The following TAF1B variants were observed in gnomAD, a reference collection of about 807,000 sequenced individuals.
TAF1B encodes the protein TATA-box binding protein associated factor, RNA polymerase I subunit B, also known as TATA box-binding protein-associated factor RNA polymerase I subunit B.
Under a neutral mutation model 83.9 loss-of-function variants are expected in TAF1B, and 61 were observed. That is an observed-to-expected ratio of 0.73 (90% CI 0.59 to 0.90). The LOEUF is 0.90. Among genes scored for constraint, TAF1B ranks in the 40% least tolerant of loss-of-function variants. TAF1B has a pLI of 0.00. For synonymous variants in TAF1B, 221 were observed against 224.6 expected (o/e 0.98, Z 0.14); for missense variants, 625 against 677.0 (o/e 0.92, Z 0.85).
At chr2:9,898,938 C>T (rs1408019381) in intron 8 of TAF1B, among the ~76,000 whole-genome samples, 15 of 143,076 alleles carry the variant, frequency 1.0e-4, no homozygotes, top group Non-Finnish European at 9.2e-5. Flanking sequence ...TTCCTTTTTT[C>T]TTTTTTTTTT....
rs539307484 is a variant in TAF1B, at chr2:9,929,756, G to T, written c.1566-4027G>T. Among the ~76,000 whole-genome samples, 36 of 152,298 alleles carry T rather than the reference G, an allele frequency of 2.4e-4. 1 individual carries two copies. The highest frequency in any genetic ancestry group is 3.4e-3 in the Middle Eastern group (1 of 294). On this transcript the variant is annotated intron_variant, in intron 14 of 14. Coordinates refer to ENST00000263663, the MANE Select transcript of TAF1B (RefSeq NM_005680.3). Reference sequence around the variant, plus strand: ...CTGTTGATTGGAATAGTTTCAGAAGGAATGGTACCAGCTCCTTGTTGTACC... The same window carrying T: ...CTGTTGATTGGAATAGTTTCAGAAGTAATGGTACCAGCTCCTTGTTGTACC...
Position 9,852,548 on chromosome 2 carries a change from C to G in TAF1B, c.303+910C>G, listed in dbSNP as rs760316282. Among the ~76,000 whole-genome samples the G allele has an allele frequency of 2.6e-5, 4 of 151,902 alleles. No homozygotes were observed. The South Asian group carries it at 8.3e-4, about 32-fold the overall frequency. On this transcript the variant is annotated intron_variant, in intron 4 of 14. Transcript: ENST00000263663. Reference sequence around the variant, plus strand: ...GCTCTGTTGCCCAGGCTGGAGTGCACTGGCATGATCTTCGCTCACTGCAAC... The same window carrying G: ...GCTCTGTTGCCCAGGCTGGAGTGCAGTGGCATGATCTTCGCTCACTGCAAC...
intron 10 of TAF1B, 127 bp downstream of exon 10, chr2:9,911,040 C>A: frequency 1.3e-6 from 1 of 756,582 alleles, no homozygotes; most frequent in Non-Finnish European, 2.1e-6. Flanking sequence ...ACTGTATTTA[C>A]CTAATTATAT....
chr2:9,871,839 A>C (rs1307615461), intron 6 of TAF1B, among the ~76,000 whole-genome samples: 2 of 152,092 alleles, frequency 1.3e-5, no homozygotes, highest in African/African-American at 2.4e-5. Flanking sequence ...AGGAAGAAGA[A>C]GACCGGAGGG....
At chr2:9,876,585 G>A (rs116054571) in intron 7 of TAF1B, among the ~76,000 whole-genome samples, 63 of 152,266 alleles carry the variant, frequency 4.1e-4, no homozygotes, top group African/African-American at 1.5e-3. Context: ...CTTAATAGAC[G>A]TGCCAAAATT....
At chr2:9,887,827 A>G (rs541373008) in intron 8 of TAF1B, among the ~76,000 whole-genome samples, 13 of 151,438 alleles carry the variant, frequency 8.6e-5, no homozygotes, top group African/African-American at 2.9e-4. Flanking sequence ...CTTTTGGATT[A>G]ATTAAGAATT....
chr2:9,864,358 C>T (rs148462726), intron 5 of TAF1B, among the ~76,000 whole-genome samples: 202 of 152,216 alleles, frequency 1.3e-3, no homozygotes, highest in African/African-American at 4.6e-3. Flanking sequence ...ATAAATTCCT[C>T]GACAAATACA....
Position 9,863,314 on chromosome 2 carries a change from A to G in TAF1B, c.400-4962A>G, listed in dbSNP as rs1353367744. 2.0e-5 allele frequency among the ~76,000 whole-genome samples: 3 copies of G among 152,362 alleles called. No homozygotes were observed. In the East Asian group the frequency reaches 5.8e-4, roughly 29 times the overall value. On this transcript the variant is annotated intron_variant, in intron 5 of 14. Coordinates refer to ENST00000263663, the MANE Select transcript of TAF1B (RefSeq NM_005680.3). ...TTGTAATCCTAGTCTCTGATAAAAC[A>G]GACTTTAAACCAACAAAGATCAAAA...
At chr2:9,927,626 G>C (rs1378159625) in intron 14 of TAF1B, among the ~76,000 whole-genome samples, 1 of 152,216 alleles carries the variant, frequency 6.6e-6, no homozygotes, top group Non-Finnish European at 1.5e-5. Context: ...GGCCAGTGAT[G>C]ATGAGCATTT....
chr2:9,882,903 G>A (rs1280737325), intron 8 of TAF1B, 98 bp downstream of exon 8: 5 of 829,422 alleles, frequency 6.0e-6, no homozygotes, highest in Non-Finnish European at 7.4e-6. Flanking sequence ...GGTGTTTTGT[G>A]TTTTATCCCA....
chr2:9,864,178 C>T (rs958497365), intron 5 of TAF1B, among the ~76,000 whole-genome samples: 2 of 151,896 alleles, frequency 1.3e-5, no homozygotes, highest in African/African-American at 4.8e-5. Flanking sequence ...TTGAAAAGAT[C>T]AACAAAACTG....
chr2:9,849,442 A>T lies in TAF1B; in HGVS notation c.187A>T (p.Lys63Ter). ...TQIKALNRGLKKKNNTEKGWD... is the reference protein window; with the variant it reads ...TQIKALNRGL ...AATAAAAGCCCTCAACCGGGGGCTT[A>T]AAAAAAAAAACAATACTGGTAAGTT... Residue 63 changes from lysine to a stop codon, truncating the protein, a stop_gained, in exon 3 of 15, where the codon AAA becomes TAA. Coordinates refer to ENST00000263663, the MANE Select transcript of TAF1B (RefSeq NM_005680.3). LOFTEE classifies it high-confidence loss of function. 4 of 989,508 alleles carry T rather than the reference A, an allele frequency of 4.0e-6. No homozygotes were observed. Among genetic ancestry groups the T allele is most frequent in the South Asian group, 4.4e-5 (2 of 45,794 alleles). The allele number at this position is 989,508 out of a possible 1,614,324, so 61.3% of individuals were successfully genotyped here.
chr2:9,870,211 C>T (rs115318344), intron 6 of TAF1B, among the ~76,000 whole-genome samples: 171 of 152,276 alleles, frequency 1.1e-3, no homozygotes, highest in African/African-American at 3.8e-3. Flanking sequence ...CCACCAGTCA[C>T]GGCAGTGGAC....
intron 8 of TAF1B, among the ~76,000 whole-genome samples, chr2:9,900,362 C>T (rs148566479): frequency 0.044 from 6,686 of 152,160 alleles, 194 homozygotes; most frequent in Non-Finnish European, 0.066. Flanking sequence ...GACAAAACTC[C>T]ATCTCTACAA....
At chr2:9,905,073 T>C (rs917584677) in intron 9 of TAF1B, 67 bp downstream of exon 9, 18 of 1,413,404 alleles carry the variant, frequency 1.3e-5, no homozygotes, top group Non-Finnish European at 1.7e-5. Context: ...GAGTATAGAA[T>C]CTTTTCAAAT....
At position 9,911,543 on chromosome 2, in the gene TAF1B, A is replaced by T. The variant is rs1356374140; in HGVS notation, c.1166A>T (p.Glu389Val). The change falls in exon 11 of 15, where the codon GAA (glutamate) becomes GTA (valine). Residue 389 changes from glutamate (E) to valine (V), a missense_variant. Glu to Val is a moderately radical substitution (Grantham distance 121). Transcript: ENST00000263663. ...TCTAATCTTGCTGAAAAGCATAATGAAAAGAACAAAAAAGGTATTTTAATT... is the reference window on the plus strand; with the variant it reads ...TCTAATCTTGCTGAAAAGCATAATGTAAAGAACAAAAAAGGTATTTTAATT... ...SLSNLAEKHN[E>V]KNKKDKPWFD... is the part of the protein sequence containing the mutation. 1 of 1,520,744 alleles carries T rather than the reference A, an allele frequency of 6.6e-7. No homozygotes were observed. The highest frequency in any genetic ancestry group is 2.3e-5 in the East Asian group (1 of 43,038). The allele number at this position is 1,520,744 out of a possible 1,614,324, so 94.2% of individuals were successfully genotyped here. A position where few individuals can be genotyped will look rare whatever the true frequency, so the allele number is the denominator to read the frequency against.
chr2:9,888,985 A>G (rs903148473), intron 8 of TAF1B, among the ~76,000 whole-genome samples: 10 of 150,886 alleles, frequency 6.6e-5, no homozygotes, highest in African/African-American at 2.4e-4. Context: ...TATTGTTAGT[A>G]GAGATGGGGT....
rs1396082539 is a variant in TAF1B at position 9,933,938 on chromosome 2, G to A, written c.1721G>A (p.Ser574Asn). The A allele has an allele frequency of 2.5e-6, 4 of 1,610,494 alleles. No individual in the cohort carries two copies. Among genetic ancestry groups the A allele is most frequent in the East Asian group, 2.2e-5 (1 of 44,810 alleles). The part of the protein sequence containing the change: ...VEKKLFEKKY[S>N]VKRKKSRSKK... ...AAGAAACTTTTTGAGAAAAAATACA[G>A]TGTAAAAAGAAAGAAATCAAGATCC... The change falls in exon 15 of 15, where the codon AGT (serine) becomes AAT (asparagine). Residue 574 changes from serine to asparagine, a missense_variant. Transcript: ENST00000263663.
chr2:9,890,814 A>C (rs1049173713), intron 8 of TAF1B, among the ~76,000 whole-genome samples: 2 of 152,128 alleles, frequency 1.3e-5, no homozygotes, highest in Non-Finnish European at 2.9e-5. Context: ...CTTGTTGCCC[A>C]GGCTGGAGTG....
Sources: allele counts gnomAD v4.1 joint callset (sites outside exome capture counted in the v4.1 genomes callset), GRCh38; gene constraint gnomAD v4.1.1; transcripts MANE v1.5; gene names NCBI Gene and HGNC (gene_info 2026-07-23, HGNC 2026-07-21).